Variants in OPA1 observed in about 807,000 individuals in gnomAD.
OPA1 encodes the protein dynamin-like GTPase OPA1, mitochondrial.
A neutral mutation model predicts 152.9 loss-of-function variants in OPA1; 59 were observed. The ratio of observed to expected loss-of-function variants is 0.39; its 90% CI spans 0.31 to 0.48. The LOEUF (loss-of-function observed/expected upper bound fraction) is 0.48. Ranked by LOEUF, OPA1 falls within the 20% of genes least tolerant of loss-of-function variation. The pLI is 0.96. For synonymous variants in OPA1, 400 were observed against 389.9 expected (o/e 1.03, Z -0.31); for missense variants, 1,008 against 1,216.8 (o/e 0.83, Z 2.55).
chr3:193,594,508 C>A (rs2108762299), intron 1 of OPA1, among the ~76,000 whole-genome samples: 1 of 152,330 alleles, frequency 6.6e-6, no homozygotes, highest in East Asian at 1.9e-4. Context: ...CTGTCTCCGC[C>A]TCCGGAGTAG....
At chr3:193,691,899 T>TTCCAAAAA (rs1721735805) in intron 29 of OPA1, 164 bp from the exon 30 acceptor site, 2 of 575,184 alleles carry the variant, frequency 3.5e-6, no homozygotes, top group African/African-American at 1.9e-5. Flanking sequence ...GACCTACTAC[T>TTCCAAAAA]ATAATCCATC....
At chr3:193,659,683 A>C (rs944161267) in intron 25 of OPA1, 122 bp downstream of exon 25, 2 of 728,724 alleles carry the variant, frequency 2.7e-6, no homozygotes, top group Non-Finnish European at 4.6e-6. Context: ...GTTTTATATC[A>C]TACTTTCTAA....
At position 193,647,059 on chromosome 3, in the gene OPA1, T is replaced by A. The variant is rs1285983118; in HGVS notation, c.1755-6T>A. Reference sequence around the variant, plus strand: ...TACTTTAGCTCTTGTTATTTTTTTTTAATAGGACAAGCATGCTAAAGGCAC... The same window carrying A: ...TACTTTAGCTCTTGTTATTTTTTTTAAATAGGACAAGCATGCTAAAGGCAC... On this transcript the variant is annotated splice_region_variant and splice_polypyrimidine_tract_variant and intron_variant, in intron 18 of 30. Transcript: ENST00000361510. 3 of 1,584,722 alleles carry A rather than the reference T, an allele frequency of 1.9e-6. No homozygotes were observed. The highest frequency in any genetic ancestry group is 2.2e-5 in the East Asian group (1 of 44,642).
chr3:193,665,368 A>G (rs1417772399), intron 27 of OPA1, among the ~76,000 whole-genome samples: 1 of 151,986 alleles, frequency 6.6e-6, no homozygotes, highest in Non-Finnish European at 1.5e-5. Flanking sequence ...AGGGAGAGAG[A>G]CAGAGAGGGA....
intron 1 of OPA1, among the ~76,000 whole-genome samples, chr3:193,606,357 G>A (rs1727275753): frequency 2.0e-5 from 3 of 151,804 alleles, no homozygotes; most frequent in Non-Finnish European, 2.9e-5. Context: ...ATGTTGGTGT[G>A]CTGCACCCAT....
chr3:193,617,265 T>A lies in OPA1; in HGVS notation c.536T>A (p.Leu179Ter). ...FDKIVESLSL[L>*]KDFFTSGHKL... ...AAGATTGTTGAAAGCCTTAGCTTAT[T>A]GAAGGACTTTTTTACCTCAGGTAAG... The change falls in exon 4 of 31, where the codon TTG (leucine) becomes TAG (stop). Residue 179 changes from leucine to a stop codon, truncating the protein, a stop_gained. Transcript: ENST00000361510. LOFTEE classifies it high-confidence loss of function. 9 of 1,610,604 alleles carry A rather than the reference T, an allele frequency of 5.6e-6. No individual in the cohort carries two copies. The highest frequency in any genetic ancestry group is 7.6e-6 in the Non-Finnish European group (9 of 1,177,018).
intron 13 of OPA1, 65 bp downstream of exon 13, chr3:193,643,114 T>A: frequency 7.4e-7 from 1 of 1,357,520 alleles, no homozygotes; most frequent in Non-Finnish European, 1.0e-6. Context: ...TTCAAATAAA[T>A]CAAAATCTAG....
At chr3:193,601,336 C>T (rs1299051118) in intron 1 of OPA1, among the ~76,000 whole-genome samples, 2 of 152,096 alleles carry the variant, frequency 1.3e-5, no homozygotes, top group African/African-American at 4.8e-5. Flanking sequence ...TAAGGGCTAT[C>T]ATGAGAATTT....
intron 21 of OPA1, among the ~76,000 whole-genome samples, chr3:193,651,836 A>G (rs1007329285): frequency 3.3e-5 from 5 of 152,158 alleles, no homozygotes; most frequent in Admixed American, 1.3e-4. Flanking sequence ...AAGAGGAACT[A>G]TGGGGTACTT....
At chr3:193,601,425 A>G (rs956193370) in intron 1 of OPA1, among the ~76,000 whole-genome samples, 43 of 152,210 alleles carry the variant, frequency 2.8e-4, no homozygotes, top group Non-Finnish European at 5.9e-5. Context: ...GCAGAACAGA[A>G]TATGCAGATT....
intron 21 of OPA1, among the ~76,000 whole-genome samples, chr3:193,650,365 G>A (rs561848951): frequency 7.9e-5 from 12 of 152,196 alleles, no homozygotes; most frequent in South Asian, 4.2e-4. Flanking sequence ...TTATGTTAAC[G>A]CAAATATAAA....
chr3:193,612,794 G>A (rs1237309994), intron 1 of OPA1, among the ~76,000 whole-genome samples: 2 of 152,186 alleles, frequency 1.3e-5, no homozygotes, highest in Admixed American at 6.5e-5. Flanking sequence ...GAGGTCTGAG[G>A]CCTCTAACTG....
At chr3:193,674,971 C>T (rs537973202) in intron 29 of OPA1, among the ~76,000 whole-genome samples, 10 of 152,206 alleles carry the variant, frequency 6.6e-5, no homozygotes, top group South Asian at 4.2e-4. Flanking sequence ...ACCGTGTACC[C>T]GCCTGCCCCT....
intron 29 of OPA1, among the ~76,000 whole-genome samples, chr3:193,676,044 C>G (rs750166630): frequency 1.2e-4 from 19 of 152,292 alleles, no homozygotes; most frequent in Admixed American, 7.2e-4. Context: ...TGCAGTCTGG[C>G]TTTCATCTAT....
At chr3:193,665,545 T>C (rs1440713858) in intron 27 of OPA1, among the ~76,000 whole-genome samples, 4 of 152,130 alleles carry the variant, frequency 2.6e-5, no homozygotes, top group Non-Finnish European at 5.9e-5. Flanking sequence ...ATTAAAATGA[T>C]TCATAATTTA....
chr3:193,660,649 T>C (rs944456268), intron 25 of OPA1, among the ~76,000 whole-genome samples: 1 of 152,214 alleles, frequency 6.6e-6, no homozygotes, highest in South Asian at 2.1e-4. Flanking sequence ...GAGTCTCAAC[T>C]TTCCTCAAAA....
intron 29 of OPA1, among the ~76,000 whole-genome samples, chr3:193,669,281 C>CTCCTT (rs1717390378): frequency 6.6e-6 from 1 of 152,228 alleles, no homozygotes; most frequent in Non-Finnish European, 1.5e-5. Flanking sequence ...GCATTGCTTT[C>CTCCTT]TCCTTTCCTT....
Position 193,659,540 on chromosome 3 carries a change from G to T in OPA1, c.2499G>T (p.Trp833Cys). 2 of 1,612,052 alleles carry T rather than the reference G, an allele frequency of 1.2e-6. No individual in the cohort carries two copies. The highest frequency in any genetic ancestry group is 1.7e-6 in the Non-Finnish European group (2 of 1,178,796). Residue 833 changes from tryptophan (W) to cysteine (C), a missense_variant, in exon 25 of 31, where the codon TGG becomes TGT. Physicochemically the swap from Trp to Cys is radical, Grantham distance 215. This residue lies in a region of OPA1 where 229 missense variants were observed against 269.0 expected (regional missense o/e 0.85). Coordinates refer to ENST00000361510, the MANE Select transcript of OPA1 (RefSeq NM_130837.3). Reference sequence around the variant, plus strand: ...ACTGGAAAAAGAGGTGGTTATACTGGAAGAATCGGACCCAAGAACAGGTAG... The same window carrying T: ...ACTGGAAAAAGAGGTGGTTATACTGTAAGAATCGGACCCAAGAACAGGTAG... ...GPDWKKRWLY[W>C]KNRTQEQCVH...
At chr3:193,634,612 G>A (rs371801727) in intron 8 of OPA1, among the ~76,000 whole-genome samples, 44 of 152,232 alleles carry the variant, frequency 2.9e-4, no homozygotes, top group African/African-American at 9.9e-4. Context: ...GTTTCACCAT[G>A]TTGGCCAGAA....
Sources: gnomAD v4.1 joint callset for allele counts (sites outside exome capture counted in the v4.1 genomes callset) on GRCh38, gnomAD v4.1.1 for gene constraint, gnomAD v4.1.1 regional missense constraint, MANE v1.5 for transcripts, NCBI Gene and HGNC (gene_info 2026-07-23, HGNC 2026-07-21) for gene names.